The following MICAL2 variants were observed in gnomAD, a reference collection of about 807,000 sequenced individuals.
MICAL2 encodes [F-actin]-monooxygenase MICAL2.
A neutral mutation model predicts 127.3 loss-of-function variants in MICAL2; 77 were observed. The observed-to-expected ratio is 0.60, with a 90% CI of 0.50 to 0.73. The LOEUF is 0.73. Ranked by LOEUF, MICAL2 falls within the 30% of genes least tolerant of loss-of-function variation. MICAL2 has a pLI of 0.00. For synonymous variants in MICAL2, 570 were observed against 551.1 expected (o/e 1.03, Z -0.48); for missense variants, 1,351 against 1,434.4 (o/e 0.94, Z 0.94).
chr11:12,111,768 C>A (rs10831735), intron 1 of MICAL2, among the ~76,000 whole-genome samples: 1 of 152,160 alleles, frequency 6.6e-6, no homozygotes, highest in Admixed American at 6.5e-5. Flanking sequence ...GCTGGTCCCA[C>A]GGGAGAAAAG....
At chr11:12,212,449 C>T (rs1210028073) in intron 6 of MICAL2, among the ~76,000 whole-genome samples, 1 of 152,020 alleles carries the variant, frequency 6.6e-6, no homozygotes, top group East Asian at 1.9e-4. Flanking sequence ...TGCTTTCCAG[C>T]CTGGGCAACA....
chr11:12,209,768 T>C (rs538454302), intron 6 of MICAL2, among the ~76,000 whole-genome samples, 170 bp downstream of exon 6: 10 of 152,142 alleles, frequency 6.6e-5, no homozygotes, highest in Non-Finnish European at 1.2e-4. Context: ...CATCCACCTG[T>C]GGGGTGGGCA....
At chr11:12,216,183 A>C in intron 7 of MICAL2, 36 bp from the exon 8 acceptor site, 1 of 1,481,424 alleles carries the variant, frequency 6.8e-7, no homozygotes, top group Non-Finnish European at 9.4e-7. Flanking sequence ...GGTGCCGAGG[A>C]AGTAACACTG....
At chr11:12,275,855 C>G, upstream of MICAL2, 1 of 397,734 alleles carries the variant, frequency 2.5e-6, no homozygotes, top group East Asian at 3.6e-5. Context: ...AGAGGTGGCA[C>G]GGAGGACAAG....
chr11:12,193,025 G>T (rs1859411897), intron 3 of MICAL2, among the ~76,000 whole-genome samples: 1 of 152,156 alleles, frequency 6.6e-6, no homozygotes, highest in South Asian at 2.1e-4. Context: ...GAGCAAACAG[G>T]CTGCCTGCTT....
At chr11:12,245,037 A>T (rs56140635) in intron 21 of MICAL2, among the ~76,000 whole-genome samples, 25,248 of 152,120 alleles carry the variant, frequency 0.17, 2,228 homozygotes, top group South Asian at 0.28. Context: ...GACTGGGTTT[A>T]GGGGTGCTTT....
chr11:12,320,169 A>G (rs576686599), intron 30 of MICAL2, among the ~76,000 whole-genome samples: 12 of 152,356 alleles, frequency 7.9e-5, no homozygotes, highest in South Asian at 2.1e-4. Context: ...GCACAGCTTC[A>G]TTTAAGAAGC....
chr11:12,289,553 C>CTTTTTTTTTTTTTTTTTTTTTTTTTTTTT (rs202153216), downstream of MICAL2, among the ~76,000 whole-genome samples: 2 of 42,078 alleles, frequency 4.8e-5, 1 homozygote. Flanking sequence ...CTGGGCACCT[C>CTTTTTTTTTTTTTTTTTTTTTTTTTTTTT]TTGTTTTTTT....
intron 32 of MICAL2, among the ~76,000 whole-genome samples, chr11:12,333,377 G>C (rs1215039330): frequency 3.3e-5 from 5 of 150,990 alleles, no homozygotes. Context: ...AAAAGCAATA[G>C]AACAGAATAG....
intron 1 of MICAL2, among the ~76,000 whole-genome samples, chr11:12,112,167 C>T (rs1849660182): frequency 6.6e-6 from 1 of 152,186 alleles, no homozygotes; most frequent in Non-Finnish European, 1.5e-5. Context: ...GTCCAGTGCT[C>T]TTGTTTCATG....
chr11:12,224,152 T>C lies in MICAL2; in HGVS notation c.1541-521T>C, dbSNP rs74878063. 1.8e-3 allele frequency among the ~76,000 whole-genome samples: 274 copies of C among 152,352 alleles called. 2 individuals carry two copies. Among genetic ancestry groups the C allele is most frequent in the Non-Finnish European group, 2.9e-3 (198 of 68,038 alleles). On this transcript the variant is annotated intron_variant, in intron 12 of 27. Coordinates refer to ENST00000683283, the MANE Select transcript of MICAL2 (RefSeq NM_001282663.2). ...CTGTTACGCAAACATAGCAGGTTTT[T>C]CTAGATTCTTAGCCACCACACAGTC...
chr11:12,231,194 G>A (rs563252782), intron 15 of MICAL2, among the ~76,000 whole-genome samples: 1 of 152,188 alleles, frequency 6.6e-6, no homozygotes, highest in African/African-American at 2.4e-5. Flanking sequence ...TGGCCACTAC[G>A]GTCATTACTG....
chr11:12,266,172 T>C (rs1863608491), downstream of MICAL2, among the ~76,000 whole-genome samples: 1 of 151,932 alleles, frequency 6.6e-6, no homozygotes, highest in Non-Finnish European at 1.5e-5. Flanking sequence ...AAAGTAAAAC[T>C]GTAAGAAAAA....
rs573558663 is a variant in MICAL2, at chr11:12,332,624, G to A, written c.5515+5358G>A. Among the ~76,000 whole-genome samples the A allele has an allele frequency of 2.2e-4, 33 of 152,002 alleles. No homozygotes were observed. The South Asian group carries it at 5.6e-3, about 26-fold the overall frequency. Reference sequence around the variant, plus strand: ...TAGCAAACAGCAGGAACATCAGCTCGGTAGCCCAAGTTGCCCTGTTCCCAA... The same window carrying A: ...TAGCAAACAGCAGGAACATCAGCTCAGTAGCCCAAGTTGCCCTGTTCCCAA... On this transcript the variant is annotated intron_variant, in intron 32 of 34. Coordinates refer to the MICAL2 transcript ENST00000646065.
intron 3 of MICAL2, among the ~76,000 whole-genome samples, chr11:12,195,383 A>G (rs1411302160): frequency 6.6e-6 from 1 of 152,258 alleles, no homozygotes; most frequent in Middle Eastern, 3.2e-3. Flanking sequence ...ACCACAAAAT[A>G]AGATAAATTG....
In MICAL2 at chr11:12,136,829, A is replaced by G. The variant is rs545961043; in HGVS notation, c.-148-1561A>G. ...GCCTGGTCCAGTCATACCTGCCTCCAACCCACCATGAAGACAGCCTAAGCT... is the reference window on the plus strand; with the variant it reads ...GCCTGGTCCAGTCATACCTGCCTCCGACCCACCATGAAGACAGCCTAAGCT... On this transcript the variant is annotated intron_variant, in intron 1 of 27. Transcript: ENST00000683283. 1.4e-3 allele frequency among the ~76,000 whole-genome samples: 210 copies of G among 152,092 alleles called. 1 individual carries two copies. The highest frequency in any genetic ancestry group is 2.5e-3 in the Non-Finnish European group (167 of 68,030).
At position 12,162,198 on chromosome 11, in the gene MICAL2, G is replaced by A. The variant is rs1292274895; in HGVS notation, c.43G>A (p.Val15Ile). Residue 15 changes from valine (V) to isoleucine (I), a missense_variant, in exon 3 of 28, where the codon GTT (valine) becomes ATT (isoleucine). Transcript: ENST00000683283. ...TGAGAAGCAGGCCCAGGCGGGGCAG[G>A]TTTTTGAGAACTTTGTCCAGGCATC... ...EDEKQAQAGQ[V>I]FENFVQASTC... 2 of 1,614,162 alleles carry A rather than the reference G, an allele frequency of 1.2e-6. No homozygotes were observed. The highest frequency in any genetic ancestry group is 4.5e-5 in the East Asian group (2 of 44,876).
intron 3 of MICAL2, among the ~76,000 whole-genome samples, chr11:12,165,015 T>A (rs191002186): frequency 8.0e-4 from 121 of 151,986 alleles, no homozygotes; most frequent in African/African-American, 2.8e-3. Flanking sequence ...GGCAAGTGCC[T>A]GTAGTCCCAG....
intron 34 of MICAL2, among the ~76,000 whole-genome samples, chr11:12,355,884 G>T (rs752762630): frequency 9.2e-5 from 14 of 152,122 alleles, no homozygotes; most frequent in Non-Finnish European, 2.1e-4. Context: ...GACTAAAGTG[G>T]TATAAATCAT....
Sources: allele counts gnomAD v4.1 joint callset (sites outside exome capture counted in the v4.1 genomes callset), GRCh38; gene constraint gnomAD v4.1.1; transcripts MANE v1.5; gene names NCBI Gene and HGNC (gene_info 2026-07-23, HGNC 2026-07-21).